The following CACNG4 variants were observed in gnomAD, a reference collection of about 807,000 sequenced individuals.
The protein encoded by CACNG4 is voltage-dependent calcium channel gamma-4 subunit.
A neutral mutation model predicts 22.9 loss-of-function variants in CACNG4; 8 were observed. The observed-to-expected ratio is 0.35, with a 90% CI of 0.21 to 0.63. The LOEUF is 0.63. CACNG4 is among the 30% of genes least tolerant of loss of function. CACNG4 has a pLI of 0.72. For missense variants in CACNG4, 357 were observed against 455.4 expected (o/e 0.78, Z 1.97); for synonymous variants, 188 against 191.9 (o/e 0.98, Z 0.17).
chr17:67,012,230 A>C (rs1011461348), intron 1 of CACNG4, among the ~76,000 whole-genome samples: 1 of 152,164 alleles, frequency 6.6e-6, no homozygotes, highest in Non-Finnish European at 1.5e-5. Context: ...AGCAGAGAAG[A>C]CTTTGTTTTA....
At chr17:67,008,904 G>A (rs7217979) in intron 1 of CACNG4, among the ~76,000 whole-genome samples, 14,625 of 151,912 alleles carry the variant, frequency 0.096, 1,246 homozygotes, top group East Asian at 0.23. Context: ...AGCCGAGATC[G>A]CGCCACTTCA....
Position 67,027,794 on chromosome 17 carries a change from G to A in CACNG4, c.446-2672G>A, listed in dbSNP as rs550781405. The stretch of plus-strand genomic sequence containing the variant: ...AGCATTTTGGGAGGCCGAGGCAGGC[G>A]GATCACTGGAGGTCAGGAGTTCGAG... On this transcript the variant is annotated intron_variant, in intron 3 of 3. Transcript: ENST00000262138. The surrounding 1 kb of genome is among the most constrained non-coding windows in gnomAD (Gnocchi z 4.3). Among the ~76,000 whole-genome samples the A allele has an allele frequency of 3.1e-4, 47 of 152,188 alleles. No individual in the cohort carries two copies. The highest frequency in any genetic ancestry group is 1.9e-3 in the Admixed American group (29 of 15,276).
At chr17:66,977,440 G>A (rs1295301141) in intron 1 of CACNG4, among the ~76,000 whole-genome samples, 4 of 152,134 alleles carry the variant, frequency 2.6e-5, no homozygotes, top group Admixed American at 2.6e-4. Context: ...TGTGGGTGGG[G>A]GATCGATGAG....
At chr17:67,014,640 CA>C (rs2035486548) in intron 1 of CACNG4, among the ~76,000 whole-genome samples, 2 of 149,974 alleles carry the variant, frequency 1.3e-5, no homozygotes, top group Non-Finnish European at 2.9e-5. Flanking sequence ...TTGAAACCGC[CA>C]GTAAAAAAAT....
chr17:67,018,105 C>A, intron 1 of CACNG4, 84 bp from the exon 2 acceptor site: 2 of 1,048,544 alleles, frequency 1.9e-6, no homozygotes, highest in South Asian at 1.3e-5. Context: ...CAGAGGCTCA[C>A]ACACATGGCA....
intron 1 of CACNG4, 63 bp downstream of exon 1, chr17:66,965,194 ACGCGCG>A (rs1158411001): frequency 1.2e-4 from 109 of 910,080 alleles, no homozygotes; most frequent in East Asian, 3.0e-4. Context: ...ACATATACAC[ACGCGCG>A]CGCGCGCGCG....
intron 2 of CACNG4, among the ~76,000 whole-genome samples, chr17:67,023,299 A>G (rs571543465): frequency 9.4e-5 from 11 of 117,150 alleles, no homozygotes; most frequent in Admixed American, 5.0e-4. Flanking sequence ...TTTTTGAGAC[A>G]GAGTCTCGCT....
chr17:67,008,286 G>A (rs555155430), intron 1 of CACNG4, among the ~76,000 whole-genome samples: 1 of 152,294 alleles, frequency 6.6e-6, no homozygotes, highest in Admixed American at 6.5e-5. Context: ...AGGAACCCAT[G>A]GAGAGGTTTC....
chr17:67,017,498 CGTTGTTGTT>C (rs34653846), intron 1 of CACNG4, among the ~76,000 whole-genome samples: 60 of 150,338 alleles, frequency 4.0e-4, no homozygotes, highest in African/African-American at 4.9e-4. Flanking sequence ...TGGGCAAATT[CGTTGTTGTT>C]GTTGTTGTTG....
chr17:66,992,733 G>T lies in CACNG4; in HGVS notation c.221-25456G>T, dbSNP rs62072225. On this transcript the variant is annotated intron_variant, in intron 1 of 3. Coordinates refer to ENST00000262138, the MANE Select transcript of CACNG4 (RefSeq NM_014405.4). ...CGGTTTCTCTGTCCTAGGGCCGAGG[G>T]CCTTGGCTGGATGAGCCCAAAGCTG... Among the ~76,000 whole-genome samples, 784 of 152,376 alleles carry T rather than the reference G, an allele frequency of 5.1e-3. 4 individuals are homozygous for T. Among genetic ancestry groups the T allele is most frequent in the Non-Finnish European group, 8.3e-3 (567 of 68,044 alleles).
At chr17:66,968,982 GTA>G (rs1270289954) in intron 1 of CACNG4, among the ~76,000 whole-genome samples, 1 of 151,624 alleles carries the variant, frequency 6.6e-6, no homozygotes, top group African/African-American at 2.4e-5. Context: ...CTCATTCTTT[GTA>G]TCTTTGGTGA....
intron 1 of CACNG4, among the ~76,000 whole-genome samples, chr17:66,981,247 T>C (rs1267892732): frequency 6.6e-6 from 1 of 152,220 alleles, no homozygotes; most frequent in Non-Finnish European, 1.5e-5. Flanking sequence ...AAGTCCAGCA[T>C]CCTCCAGCTG....
intron 1 of CACNG4, among the ~76,000 whole-genome samples, chr17:67,008,638 T>G (rs1409859022): frequency 6.6e-6 from 1 of 152,148 alleles, no homozygotes; most frequent in Non-Finnish European, 1.5e-5. Flanking sequence ...CTAACCCCAG[T>G]ACTTCAGAAT....
chr17:66,968,108 A>G (rs1428081606), intron 1 of CACNG4, among the ~76,000 whole-genome samples: 4 of 152,154 alleles, frequency 2.6e-5, no homozygotes, highest in Non-Finnish European at 4.4e-5. Flanking sequence ...CAGATGAGCC[A>G]GGGAGGTGCA....
At chr17:66,970,882 G>T (rs1598099715) in intron 1 of CACNG4, among the ~76,000 whole-genome samples, 1 of 152,320 alleles carries the variant, frequency 6.6e-6, no homozygotes, top group East Asian at 1.9e-4. Context: ...AAAAGTCTCA[G>T]TAGGAAAATC....
intron 1 of CACNG4, among the ~76,000 whole-genome samples, chr17:66,970,427 G>A (rs1377583680): frequency 6.6e-6 from 1 of 152,184 alleles, no homozygotes; most frequent in Admixed American, 6.5e-5. Flanking sequence ...GCTGGACTCA[G>A]TTCCTGGTGA....
At chr17:67,010,852 G>T (rs35227571) in intron 1 of CACNG4, among the ~76,000 whole-genome samples, 34,849 of 152,010 alleles carry the variant, frequency 0.23, 4,191 homozygotes, top group South Asian at 0.34. Flanking sequence ...GAGAAGTAGT[G>T]ATGGCAGATG....
chr17:66,972,300 C>T (rs765384579), intron 1 of CACNG4, among the ~76,000 whole-genome samples: 9 of 152,162 alleles, frequency 5.9e-5, no homozygotes, highest in African/African-American at 9.7e-5. Flanking sequence ...GGTTCAGCAT[C>T]GGCTGCCCCT....
At chr17:67,007,162 G>A (rs569370623) in intron 1 of CACNG4, among the ~76,000 whole-genome samples, 1 of 151,598 alleles carries the variant, frequency 6.6e-6, no homozygotes, top group African/African-American at 2.4e-5. Context: ...GTGACAGAGC[G>A]AGACTCTATC....
Sources: gnomAD v4.1 joint callset for allele counts (sites outside exome capture counted in the v4.1 genomes callset) on GRCh38, gnomAD v4.1.1 for gene constraint, Gnocchi (gnomAD v3.1) non-coding constraint, MANE v1.5 for transcripts, NCBI Gene and HGNC (gene_info 2026-07-23, HGNC 2026-07-21) for gene names.